The following MMEL1 variants were observed in gnomAD, a reference collection of about 807,000 sequenced individuals.
MMEL1 encodes membrane metalloendopeptidase like 1.
MMEL1 carries 98 observed loss-of-function variants against 117.1 expected under a neutral mutation model. The observed-to-expected ratio is 0.84, with a 90% CI of 0.71 to 0.99. MMEL1 has a LOEUF of 0.99. Among genes scored for constraint, MMEL1 ranks in the 50% least tolerant of loss-of-function variants. MMEL1 has a pLI of 0.00. For missense variants in MMEL1, 1,014 were observed against 1,049.1 expected, an observed-to-expected ratio of 0.97 and a Z score of 0.46; for synonymous variants, 390 against 415.1, an observed-to-expected ratio of 0.94 and a Z score of 0.74.
intron 2 of MMEL1, among the ~76,000 whole-genome samples, chr1:2,621,940 A>G (rs1026308952): frequency 3.9e-5 from 6 of 152,144 alleles, no homozygotes; most frequent in African/African-American, 1.4e-4. Flanking sequence ...CACCTAGGGC[A>G]CACGTCCTCA....
Position 2,592,875 on chromosome 1 carries a change from G to T in MMEL1, c.1959C>A (p.Tyr653Ter). The T allele has an allele frequency of 2.5e-6, 4 of 1,613,790 alleles. No homozygotes were observed. The highest frequency in any genetic ancestry group is 3.4e-6 in the Non-Finnish European group (4 of 1,179,960). The change falls in exon 20 of 24, where the codon TAC becomes TAA. Residue 653 changes from tyrosine to a stop codon, truncating the protein, a stop_gained. Coordinates refer to ENST00000378412, the MANE Select transcript of MMEL1 (RefSeq NM_033467.4). LOFTEE classifies it high-confidence loss of function. ...HFREQSECMI[Y>*]QYGNYSWDLA... ...GGTCCCAGGAGTAGTTGCCGTACTG[G>T]TAGATCATGCACTCTGACTGCTCCC...
chr1:2,608,135 G>T (rs1645059281), intron 6 of MMEL1, among the ~76,000 whole-genome samples: 1 of 152,124 alleles, frequency 6.6e-6, no homozygotes, highest in Non-Finnish European at 1.5e-5. Context: ...TTTCCATGGG[G>T]AGGAGACAAG....
At chr1:2,598,177 G>A (rs754251147) in intron 13 of MMEL1, 30 bp downstream of exon 13, 25 of 1,590,066 alleles carry the variant, frequency 1.6e-5, no homozygotes, top group Middle Eastern at 1.7e-4. Context: ...ATGAGTGCCC[G>A]GCCAGGCTCT....
chr1:2,616,736 G>C (rs1645207307), intron 2 of MMEL1, among the ~76,000 whole-genome samples: 1 of 152,212 alleles, frequency 6.6e-6, no homozygotes, highest in Admixed American at 6.5e-5. Flanking sequence ...CCCAAACAGT[G>C]CCTCTGATTC....
intron 6 of MMEL1, among the ~76,000 whole-genome samples, chr1:2,608,346 C>G (rs544527364): frequency 6.6e-6 from 1 of 152,118 alleles, no homozygotes; most frequent in Admixed American, 6.5e-5. Context: ...AGGAGTTAAA[C>G]GGTGCTGGGC....
At chr1:2,618,502 T>C (rs976607395) in intron 2 of MMEL1, among the ~76,000 whole-genome samples, 6 of 152,172 alleles carry the variant, frequency 3.9e-5, no homozygotes, top group African/African-American at 1.4e-4. Context: ...TTCCCTCTCT[T>C]CTCCATCCCT....
rs758446485 is a variant in MMEL1 at position 2,593,852 on chromosome 1, A to G, written c.1829T>C (p.Val610Ala). The G allele has an allele frequency of 1.9e-6, 3 of 1,612,204 alleles. No homozygotes were observed. The highest frequency in any genetic ancestry group is 2.5e-6 in the Non-Finnish European group (3 of 1,179,012). The part of the protein sequence containing the change: ...QALNFGGIGM[V>A]IGHEITHGFD... The stretch of plus-strand genomic sequence containing the variant: ...GCCGTGCGTGATCTCGTGCCCGATC[A>G]CCATCCCAATGCCTCCAAAGTTCAA... Residue 610 changes from valine (V) to alanine (A), a missense_variant, in exon 19 of 24, where the codon GTG becomes GCG. Physicochemically the swap from Val to Ala is moderately conservative, Grantham distance 64. Coordinates refer to ENST00000378412, the MANE Select transcript of MMEL1 (RefSeq NM_033467.4).
chr1:2,625,148 C>T (rs1638220089), intron 2 of MMEL1, among the ~76,000 whole-genome samples: 1 of 152,184 alleles, frequency 6.6e-6, no homozygotes, highest in African/African-American at 2.4e-5. Flanking sequence ...CAGCCCCTCC[C>T]AAATCTCATG....
intron 1 of MMEL1, 22 bp downstream of exon 1, chr1:2,632,844 A>C: frequency 1.0e-6 from 1 of 985,254 alleles, no homozygotes; most frequent in South Asian, 4.7e-5. Flanking sequence ...CAGGCCGGGT[A>C]CCTTCCTTCA....
In MMEL1 at chr1:2,629,938, G is replaced by A. The variant is rs138684603; in HGVS notation, c.-37-417C>T. ...GGGCTCCCAGCCCACCTTTCCTGTT[G>A]AAGCCCAGAAGCCAGTGATGGGCGA... On this transcript the variant is annotated intron_variant, in intron 1 of 23. Transcript: ENST00000378412. 4.4e-3 allele frequency: 692 copies of A among 157,144 alleles called. 3 individuals carry two copies. The highest frequency in any genetic ancestry group is 0.016 in the African/African-American group (652 of 41,746). The allele number at this position is 157,144 out of a possible 1,614,324, so 9.7% of individuals were successfully genotyped here.
chr1:2,607,683 C>T (rs921714150), intron 6 of MMEL1, among the ~76,000 whole-genome samples: 1 of 152,142 alleles, frequency 6.6e-6, no homozygotes, highest in Non-Finnish European at 1.5e-5. Context: ...TGGCAGGTGC[C>T]CCGTCAGGTC....
At chr1:2,628,527 G>A (rs1329706888) in intron 2 of MMEL1, among the ~76,000 whole-genome samples, 1 of 152,220 alleles carries the variant, frequency 6.6e-6, no homozygotes, top group Non-Finnish European at 1.5e-5. Context: ...CCGGGGGTGA[G>A]CATTGCTCCC....
intron 14 of MMEL1, among the ~76,000 whole-genome samples, 181 bp downstream of exon 14, chr1:2,596,380 G>A (rs1272828362): frequency 6.6e-6 from 1 of 152,138 alleles, no homozygotes; most frequent in Non-Finnish European, 1.5e-5. Flanking sequence ...CTCAGGCTGG[G>A]GCCCAGTGGC....
chr1:2,629,297 C>T (rs1462883218), intron 2 of MMEL1, 34 bp downstream of exon 2: 5 of 1,509,116 alleles, frequency 3.3e-6, no homozygotes, highest in Non-Finnish European at 4.4e-6. Context: ...AGAGCGGGCA[C>T]GGGGACAGGC....
At chr1:2,592,304 GTGC>G (rs1644737253) in intron 21 of MMEL1, among the ~76,000 whole-genome samples, 1 of 127,434 alleles carries the variant, frequency 7.8e-6, no homozygotes, top group Non-Finnish European at 1.7e-5. Context: ...TGAGGCACTG[GTGC>G]CCCCCTCCCC....
At chr1:2,631,627 CCT>C (rs1291862462) in intron 1 of MMEL1, among the ~76,000 whole-genome samples, 2 of 152,106 alleles carry the variant, frequency 1.3e-5, no homozygotes, top group African/African-American at 4.8e-5. Flanking sequence ...CCCTCAGCCA[CCT>C]CTCTCAGTCC....
chr1:2,592,283 GCCCCC>G lies in MMEL1; in HGVS notation c.2068-261_2068-257del, dbSNP rs1557516092. On this transcript the variant is annotated intron_variant, in intron 21 of 23. Transcript: ENST00000378412. ...CACCTGTCCCGAATGAGCCCCTGACGCCCCCTCCCCTGAGGCACTGGTGCCCCCCT... is the reference window on the plus strand; with the variant it reads ...CACCTGTCCCGAATGAGCCCCTGACGTCCCCTGAGGCACTGGTGCCCCCCT... Among the ~76,000 whole-genome samples, 28 of 142,396 alleles carry G rather than the reference GCCCCC, an allele frequency of 2.0e-4. 1 individual carries two copies. Among genetic ancestry groups the G allele is most frequent in the African/African-American group, 7.8e-4 (28 of 35,960 alleles). 93.4% of individuals were successfully genotyped at this position (142,396 alleles called of 152,430 possible).
chr1:2,612,091 G>C lies in MMEL1; in HGVS notation c.232+36C>G, dbSNP rs1645139027. ...CACCTTGGGAGGCCAGCGCCCACCT[G>C]CCTGGGGCTGTTTTGGAAGGGAAGG... On this transcript the variant is annotated intron_variant, in intron 3 of 23. Transcript: ENST00000378412. This position sits in a 1 kb window ranked among gnomAD's most constrained non-coding sequence, Gnocchi z 5.4. The C allele has an allele frequency of 6.5e-7, 1 of 1,539,804 alleles. No individual in the cohort carries two copies. The highest frequency in any genetic ancestry group is 1.4e-5 in the African/African-American group (1 of 73,240).
In MMEL1 at chr1:2,609,770, A is replaced by G; in HGVS notation, c.354T>C (p.Phe118=). The G allele has an allele frequency of 1.9e-6, 3 of 1,613,902 alleles. No homozygotes were observed. The highest frequency in any genetic ancestry group is 2.5e-6 in the Non-Finnish European group (3 of 1,180,000). ...TTEPCDDFYQ[F]ACGGWLRRHV... is the part of the protein sequence containing the mutation. Reference sequence around the variant, plus strand: ...GGCGCCGCAGCCAGCCTCCGCATGCAAACTGGTAGAAGTCGTCACACGGTT... The same window carrying G: ...GGCGCCGCAGCCAGCCTCCGCATGCGAACTGGTAGAAGTCGTCACACGGTT... The change falls in exon 5 of 24, where the codon TTT becomes TTC. Residue 118 remains phenylalanine (F), a synonymous_variant. Coordinates refer to ENST00000378412, the MANE Select transcript of MMEL1 (RefSeq NM_033467.4).
Sources: allele counts gnomAD v4.1 joint callset (sites outside exome capture counted in the v4.1 genomes callset), GRCh38; gene constraint gnomAD v4.1.1; non-coding constraint Gnocchi (gnomAD v3.1); transcripts MANE v1.5; gene names NCBI Gene and HGNC (gene_info 2026-07-23, HGNC 2026-07-21).